The following LRRFIP2 variants were observed in gnomAD, a reference collection of about 807,000 sequenced individuals.
The protein encoded by LRRFIP2 is LRR binding FLII interacting protein 2, also known as leucine-rich repeat flightless-interacting protein 2.
A neutral mutation model predicts 125.9 loss-of-function variants in LRRFIP2; 109 were observed. The observed-to-expected ratio is 0.87, with a 90% CI of 0.74 to 1.01. The LOEUF (loss-of-function observed/expected upper bound fraction) is 1.01, where lower values mean the gene tolerates loss of function less well. LRRFIP2 is among the 50% of genes least tolerant of loss of function. The pLI, the probability that LRRFIP2 is intolerant of heterozygous loss-of-function variation, is 0.00. For missense variants in LRRFIP2, 850 were observed against 862.3 expected, an observed-to-expected ratio of 0.99 and a Z score of 0.18; for synonymous variants, 291 against 293.1, an observed-to-expected ratio of 0.99 and a Z score of 0.07.
chr3:37,114,171 A>G (rs2094670442), intron 7 of LRRFIP2, among the ~76,000 whole-genome samples: 2 of 151,812 alleles, frequency 1.3e-5, no homozygotes, highest in South Asian at 4.2e-4. Context: ...AGAGATGTCT[A>G]TGTAATTTAG....
intron 15 of LRRFIP2, among the ~76,000 whole-genome samples, chr3:37,099,080 G>A (rs1246313137): frequency 6.6e-6 from 1 of 152,154 alleles, no homozygotes; most frequent in East Asian, 1.9e-4. Flanking sequence ...TCTTCTGAGA[G>A]ATCCCAATTG....
At chr3:37,137,999 T>C (rs1263677253) in intron 2 of LRRFIP2, among the ~76,000 whole-genome samples, 1 of 152,224 alleles carries the variant, frequency 6.6e-6, no homozygotes, top group East Asian at 1.9e-4. Flanking sequence ...AGGCTCTTTG[T>C]ACTTTCACTT....
rs190692619 is a variant in LRRFIP2, at chr3:37,121,062, C to A, written c.330+430G>T. 2.0e-5 allele frequency among the ~76,000 whole-genome samples: 3 copies of A among 152,260 alleles called. No homozygotes were observed. In the East Asian group the frequency reaches 5.8e-4, roughly 29 times the overall value. ...TACATATTCAGAGAACTTTTCAAAT[C>A]AGTTGTTCAAATTTTCCACATAATA... is the stretch of plus-strand genomic sequence containing the variant. On this transcript the variant is annotated intron_variant, in intron 6 of 27. Transcript: ENST00000336686.
At chr3:37,112,129 G>A (rs183911255) in intron 8 of LRRFIP2, among the ~76,000 whole-genome samples, 10 of 152,158 alleles carry the variant, frequency 6.6e-5, no homozygotes, top group South Asian at 2.1e-4. Context: ...CCAGAACTTC[G>A]GGAGGCAGAG....
At chr3:37,144,561 A>G (rs1235039496) in intron 2 of LRRFIP2, among the ~76,000 whole-genome samples, 2 of 152,296 alleles carry the variant, frequency 1.3e-5, no homozygotes, top group Admixed American at 1.3e-4. Context: ...GCAACCTAGC[A>G]AGACCTCATC....
At position 37,121,632 on chromosome 3, in the gene LRRFIP2, A is replaced by T; in HGVS notation, c.285+3T>A. The T allele has an allele frequency of 6.2e-7, 1 of 1,614,198 alleles. No individual in the cohort carries two copies. Among genetic ancestry groups the T allele is most frequent in the East Asian group, 2.2e-5 (1 of 44,876 alleles). On this transcript the variant is annotated splice_donor_region_variant and intron_variant, in intron 5 of 27. Transcript: ENST00000336686. Reference sequence around the variant, plus strand: ...AGAGGCAAGTGTATAGGTTATTACAAACCAGATAAGGACGATGGTGACTGG... The same window carrying T: ...AGAGGCAAGTGTATAGGTTATTACATACCAGATAAGGACGATGGTGACTGG...
At chr3:37,080,330 AG>A (rs2092523001) in intron 19 of LRRFIP2, among the ~76,000 whole-genome samples, 1 of 152,122 alleles carries the variant, frequency 6.6e-6, no homozygotes, top group Admixed American at 6.6e-5. Flanking sequence ...CGGGAGGCAG[AG>A]GTTGCAGTGA....
At chr3:37,126,857 C>G (rs958942136) in intron 4 of LRRFIP2, among the ~76,000 whole-genome samples, 2 of 108,274 alleles carry the variant, frequency 1.8e-5, no homozygotes, top group African/African-American at 6.4e-5. Context: ...GAAACTCCAT[C>G]TCAAAAAAAA....
intron 4 of LRRFIP2, among the ~76,000 whole-genome samples, chr3:37,124,887 C>A (rs2095216351): frequency 6.6e-6 from 1 of 151,972 alleles, no homozygotes; most frequent in Admixed American, 6.6e-5. Context: ...GAAATTATAC[C>A]AGTGGACAAA....
chr3:37,139,466 C>T (rs2095636673), intron 2 of LRRFIP2, among the ~76,000 whole-genome samples: 2 of 152,084 alleles, frequency 1.3e-5, no homozygotes, highest in African/African-American at 4.8e-5. Context: ...TTAGTATTTC[C>T]CCTCCTGTGC....
chr3:37,098,911 T>C (rs1487384261), intron 15 of LRRFIP2, among the ~76,000 whole-genome samples: 2 of 152,204 alleles, frequency 1.3e-5, no homozygotes, highest in Non-Finnish European at 2.9e-5. Flanking sequence ...ATTAAAAGTC[T>C]TCTAAGCTTA....
intron 1 of LRRFIP2, 82 bp from the exon 2 acceptor site, chr3:37,149,120 G>T (rs2095939140): frequency 8.6e-7 from 1 of 1,165,986 alleles, no homozygotes; most frequent in African/African-American, 1.6e-5. Flanking sequence ...TTTTAACAGA[G>T]AAATTAGTCA....
At chr3:37,074,243 T>G (rs927793134) in intron 20 of LRRFIP2, among the ~76,000 whole-genome samples, 1 of 152,106 alleles carries the variant, frequency 6.6e-6, no homozygotes, top group Non-Finnish European at 1.5e-5. Context: ...TGTGGACAAG[T>G]GTGGTTGTGA....
intron 1 of LRRFIP2, among the ~76,000 whole-genome samples, chr3:37,151,390 C>T (rs1476917437): frequency 6.6e-6 from 1 of 151,582 alleles, no homozygotes; most frequent in Non-Finnish European, 1.5e-5. Context: ...ACAAAAGGTA[C>T]TTCTTAATGT....
intron 9 of LRRFIP2, among the ~76,000 whole-genome samples, chr3:37,110,467 G>T (rs1489788218): frequency 6.6e-6 from 1 of 152,100 alleles, no homozygotes; most frequent in Non-Finnish European, 1.5e-5. Flanking sequence ...TGTCTTAAAT[G>T]TATGATGTGT....
rs775651732 is a variant in LRRFIP2, at chr3:37,127,658, C to T, written c.200G>A (p.Arg67Gln). ...QKEYSLHSFD[R>Q]KWGQIQKWLE... ...CCACTTCTGAATCTGTCCCCACTTC[C>T]GATCAAAGGAATGAAGAGAGTACTA... The change falls in exon 4 of 28, where the codon CGG becomes CAG. Residue 67 changes from arginine to glutamine, a missense_variant. Arg to Gln is a conservative substitution (Grantham distance 43, BLOSUM62 1). Coordinates refer to ENST00000336686, the MANE Select transcript of LRRFIP2 (RefSeq NM_006309.4). The T allele has an allele frequency of 8.7e-6, 14 of 1,613,806 alleles. No individual in the cohort carries two copies. The highest frequency in any genetic ancestry group is 1.6e-4 in the Middle Eastern group (1 of 6,062).
chr3:37,065,957 A>T lies in LRRFIP2; in HGVS notation c.1567-15T>A. ...AAGCCATGTTTCTGCAGGGGGGAAA[A>T]ACCCACCATCACAAAAGGCCCGTAT... On this transcript the variant is annotated splice_polypyrimidine_tract_variant and intron_variant, in intron 22 of 27. Coordinates refer to ENST00000336686, the MANE Select transcript of LRRFIP2 (RefSeq NM_006309.4). The T allele has an allele frequency of 6.2e-7, 1 of 1,614,008 alleles. No individual in the cohort carries two copies. Among genetic ancestry groups the T allele is most frequent in the Non-Finnish European group, 8.5e-7 (1 of 1,179,948 alleles).
At chr3:37,136,279 G>C (rs1357038440) in intron 2 of LRRFIP2, among the ~76,000 whole-genome samples, 1 of 152,194 alleles carries the variant, frequency 6.6e-6, no homozygotes, top group African/African-American at 2.4e-5. Flanking sequence ...GCCAGGGGCT[G>C]GGGAAGGGGA....
chr3:37,110,686 TAATG>T (rs1169263513), intron 9 of LRRFIP2, among the ~76,000 whole-genome samples: 1 of 152,206 alleles, frequency 6.6e-6, no homozygotes, highest in Non-Finnish European at 1.5e-5. Flanking sequence ...AAAGGAAATA[TAATG>T]AATTATATAA....
Sources: allele counts gnomAD v4.1 joint callset (sites outside exome capture counted in the v4.1 genomes callset), GRCh38; gene constraint gnomAD v4.1.1; transcripts MANE v1.5; gene names NCBI Gene and HGNC (gene_info 2026-07-23, HGNC 2026-07-21).